HDAC4: variants seen among roughly 807,000 people sequenced by gnomAD.
HDAC4 encodes the protein histone deacetylase A.
In HDAC4, 16 loss-of-function variants were observed where a neutral mutation model predicts 135.1. The observed-to-expected ratio is 0.12, with a 90% CI of 0.08 to 0.18. HDAC4 has a LOEUF of 0.18. Among genes scored for constraint, HDAC4 ranks in the 10% least tolerant of loss-of-function variants. HDAC4 has a pLI of 1.00. For synonymous variants in HDAC4, 685 were observed against 653.4 expected (o/e 1.05, Z -0.74); for missense variants, 1,143 against 1,511.8 (o/e 0.76, Z 4.05).
intron 8 of HDAC4, among the ~76,000 whole-genome samples, chr2:239,144,369 T>C (rs1251033027): frequency 6.6e-6 from 1 of 152,190 alleles, no homozygotes; most frequent in Non-Finnish European, 1.5e-5. Context: ...GAGTCACTAA[T>C]GCCAGGAGCA....
At position 239,078,533 on chromosome 2, in the gene HDAC4, T is replaced by TA. The variant is rs147270163; in HGVS notation, c.2750+2561dup. On this transcript the variant is annotated intron_variant, in intron 22 of 26. Transcript: ENST00000543185. ...AAGTGCTATTTTACATTAAAATCAATAAAAAAAAAACCCTGAAACAATTTT... is the reference window on the plus strand; with the variant it reads ...AAGTGCTATTTTACATTAAAATCAATAAAAAAAAAAACCCTGAAACAATTTT... Among the ~76,000 whole-genome samples, 138 of 146,922 alleles carry TA rather than the reference T, an allele frequency of 9.4e-4. 1 individual carries two copies. Among genetic ancestry groups the TA allele is most frequent in the Admixed American group, 1.3e-3 (19 of 14,762 alleles).
At chr2:239,199,052 A>G (rs3791581) in intron 3 of HDAC4, among the ~76,000 whole-genome samples, 21,951 of 152,098 alleles carry the variant, frequency 0.14, 1,803 homozygotes, top group East Asian at 0.32. Flanking sequence ...ATCCAAATAC[A>G]TTGTAATTAG....
At chr2:239,208,546 T>C (rs756943041) in intron 3 of HDAC4, among the ~76,000 whole-genome samples, 8 of 152,122 alleles carry the variant, frequency 5.3e-5, no homozygotes, top group Non-Finnish European at 8.8e-5. Context: ...CCAGCAAATA[T>C]TGCTTTTAAT....
chr2:239,328,683 C>T (rs904637891), intron 2 of HDAC4, among the ~76,000 whole-genome samples: 1 of 152,272 alleles, frequency 6.6e-6, no homozygotes, highest in African/African-American at 2.4e-5. Flanking sequence ...GCACAGCACA[C>T]ATCCGAACTG....
intron 13 of HDAC4, 101 bp downstream of exon 13, chr2:239,114,952 G>A (rs2039000346): frequency 2.1e-6 from 3 of 1,412,772 alleles, no homozygotes; most frequent in Non-Finnish European, 2.9e-6. Flanking sequence ...GACCGCGCAA[G>A]GATGCCCTGC....
chr2:239,278,264 A>C (rs1163861894), intron 2 of HDAC4, among the ~76,000 whole-genome samples: 1 of 152,220 alleles, frequency 6.6e-6, no homozygotes, highest in East Asian at 1.9e-4. Context: ...CTCCAGTGGC[A>C]GTCTTCCAAG....
chr2:239,071,380 ACTCCGGCCTGG>A lies in HDAC4; in HGVS notation c.2751-2784_2751-2774del, dbSNP rs1470642040. Among the ~76,000 whole-genome samples, 2 of 151,822 alleles carry A rather than the reference ACTCCGGCCTGG, an allele frequency of 1.3e-5. 1 individual carries two copies. The highest frequency in any genetic ancestry group is 3.9e-4 in the East Asian group (2 of 5,158). On this transcript the variant is annotated intron_variant, in intron 22 of 26. Transcript: ENST00000543185. ...CAGTGAGTCAAGATCATGCCACTGA[ACTCCGGCCTGG>A]CTGATAAGAGCAAAACTCCACCTCA... is the stretch of plus-strand genomic sequence containing the variant.
At chr2:239,107,323 C>T (rs1203125936) in intron 15 of HDAC4, among the ~76,000 whole-genome samples, 1 of 152,244 alleles carries the variant, frequency 6.6e-6, no homozygotes, top group African/African-American at 2.4e-5. Context: ...TGGTTCCTAT[C>T]AGGAGGCGGG....
intron 2 of HDAC4, among the ~76,000 whole-genome samples, chr2:239,248,518 A>G (rs1338277757): frequency 1.3e-5 from 2 of 152,160 alleles, no homozygotes; most frequent in African/African-American, 4.8e-5. Flanking sequence ...GCCTCAATTC[A>G]CTGAAAATGT....
chr2:239,278,256 C>G (rs770810164), intron 2 of HDAC4, among the ~76,000 whole-genome samples: 7 of 151,926 alleles, frequency 4.6e-5, no homozygotes, highest in Admixed American at 6.6e-5. Context: ...TGAGGACCCT[C>G]CAGTGGCAGT....
intron 6 of HDAC4, among the ~76,000 whole-genome samples, chr2:239,157,398 G>A (rs542112122): frequency 6.6e-6 from 1 of 152,294 alleles, no homozygotes; most frequent in Non-Finnish European, 1.5e-5. Flanking sequence ...CTGTGCCCAG[G>A]GAGCTGACCT....
intron 2 of HDAC4, among the ~76,000 whole-genome samples, chr2:239,289,001 C>T (rs934651909): frequency 3.3e-5 from 5 of 152,196 alleles, no homozygotes. Flanking sequence ...CAGGGGAGTG[C>T]GGCTGCAGCG....
At chr2:239,357,920 G>C (rs989413754) in intron 1 of HDAC4, among the ~76,000 whole-genome samples, 1 of 132,214 alleles carries the variant, frequency 7.6e-6, no homozygotes, top group Non-Finnish European at 1.6e-5. Context: ...AAAAAAAAGA[G>C]AGTGGGAATT....
At chr2:239,213,965 G>C (rs1374989920) in intron 3 of HDAC4, among the ~76,000 whole-genome samples, 1 of 152,272 alleles carries the variant, frequency 6.6e-6, no homozygotes, top group Non-Finnish European at 1.5e-5. Context: ...ATCTGCCTAG[G>C]TCACATGGTT....
chr2:239,089,749 T>A, intron 18 of HDAC4: 6 of 367,980 alleles, frequency 1.6e-5, no homozygotes, highest in South Asian at 1.2e-4. Flanking sequence ...TTTTTAAGAG[T>A]ATAAATTTTT....
At position 239,346,009 on chromosome 2, in the gene HDAC4, C is replaced by CA. The variant is rs201663846; in HGVS notation, c.22+6668_22+6669insT. 1.3e-3 allele frequency among the ~76,000 whole-genome samples: 185 copies of CA among 145,836 alleles called. 1 individual carries two copies. Among genetic ancestry groups the CA allele is most frequent in the African/African-American group, 4.7e-3 (176 of 37,396 alleles). On this transcript the variant is annotated intron_variant, in intron 2 of 26. Transcript: ENST00000543185. ...ACCGTCTCACACACTTGCACTCACT[C>CA]TCACACACACATCCTAACACACATA...
chr2:239,321,816 T>C (rs1324403013), intron 2 of HDAC4, among the ~76,000 whole-genome samples: 1 of 152,188 alleles, frequency 6.6e-6, no homozygotes, highest in Non-Finnish European at 1.5e-5. Context: ...AGACACTGGC[T>C]TCATCATTCT....
At chr2:239,385,339 G>C (rs902728428) in intron 1 of HDAC4, among the ~76,000 whole-genome samples, 1 of 152,380 alleles carries the variant, frequency 6.6e-6, no homozygotes, top group East Asian at 1.9e-4. Flanking sequence ...AGCACTGGCT[G>C]GCAGTGTCAG....
rs1695778659 is a variant in HDAC4 at position 239,386,033 on chromosome 2, G to A, written c.-220+14945C>T. Among the ~76,000 whole-genome samples, 3 of 152,186 alleles carry A rather than the reference G, an allele frequency of 2.0e-5. No homozygotes were observed. In the South Asian group the frequency reaches 6.2e-4, roughly 32 times the overall value. On this transcript the variant is annotated intron_variant, in intron 1 of 26. Transcript: ENST00000543185. ...GGGAGAAGGAATCTGGGTCGGGGAG[G>A]CTGGGCCAAACCCTGGAAGACCCGG...
Sources: allele counts gnomAD v4.1 joint callset (sites outside exome capture counted in the v4.1 genomes callset), GRCh38; gene constraint gnomAD v4.1.1; transcripts MANE v1.5; gene names NCBI Gene and HGNC (gene_info 2026-07-23, HGNC 2026-07-21).